LMCD1: variants seen among roughly 807,000 people sequenced by gnomAD.
LMCD1 encodes the protein LIM and cysteine rich domains 1.
LMCD1 carries 32 observed loss-of-function variants against 42.7 expected under a neutral mutation model. The observed-to-expected ratio is 0.75, with a 90% CI of 0.57 to 1.01. The LOEUF is 1.01. Among genes scored for constraint, LMCD1 ranks in the 50% least tolerant of loss-of-function variants. LMCD1 has a pLI of 0.00. For missense variants in LMCD1, 458 were observed against 483.1 expected (o/e 0.95, Z 0.49); for synonymous variants, 178 against 184.9 (o/e 0.96, Z 0.30).
intron 4 of LMCD1, among the ~76,000 whole-genome samples, chr3:8,565,148 T>C (rs1695103815): frequency 6.6e-6 from 1 of 152,146 alleles, no homozygotes; most frequent in East Asian, 1.9e-4. Flanking sequence ...GAACAAAAAC[T>C]CTGTAGGGGT....
chr3:8,520,851 T>C (rs1694191495), intron 1 of LMCD1, among the ~76,000 whole-genome samples: 1 of 152,164 alleles, frequency 6.6e-6, no homozygotes, highest in Non-Finnish European at 1.5e-5. Context: ...AGTCCACAAA[T>C]GGAAGGAGAT....
chr3:8,518,761 A>C (rs78075789), intron 1 of LMCD1, among the ~76,000 whole-genome samples: 4,165 of 152,260 alleles, frequency 0.027, 111 homozygotes, highest in South Asian at 0.13. Flanking sequence ...AGAGAGGAGA[A>C]GAGCCAGTGG....
At chr3:8,528,538 T>C (rs1462624956) in intron 1 of LMCD1, among the ~76,000 whole-genome samples, 1 of 152,150 alleles carries the variant, frequency 6.6e-6, no homozygotes, top group East Asian at 1.9e-4. Flanking sequence ...TTTACTGCCT[T>C]TTAATGTTAC....
intron 4 of LMCD1, 49 bp downstream of exon 4, chr3:8,548,952 G>C (rs1694790318): frequency 7.2e-7 from 1 of 1,380,126 alleles, no homozygotes; most frequent in African/African-American, 1.5e-5. Context: ...GCAGGCCCAG[G>C]GCTGGACAGT....
chr3:8,532,676 C>G lies in LMCD1; in HGVS notation c.43-61C>G. The G allele has an allele frequency of 5.5e-6, 8 of 1,463,872 alleles. No homozygotes were observed. The South Asian group carries it at 8.1e-5, about 15-fold the overall frequency. The allele number at this position is 1,463,872 out of a possible 1,614,324, so 90.7% of individuals were successfully genotyped here. A position where few individuals can be genotyped will look rare whatever the true frequency, so the allele number is the denominator to read the frequency against. On this transcript the variant is annotated intron_variant, in intron 1 of 5. Coordinates refer to ENST00000157600, the MANE Select transcript of LMCD1 (RefSeq NM_014583.4). Reference sequence around the variant, plus strand: ...CCAGCACGCCAAGTCTTTTAGAGGTCAAGCATCTCCGGTCCAAGATGTTTG... The same window carrying G: ...CCAGCACGCCAAGTCTTTTAGAGGTGAAGCATCTCCGGTCCAAGATGTTTG...
intron 1 of LMCD1, among the ~76,000 whole-genome samples, chr3:8,502,379 A>AT (rs1693770777): frequency 1.1e-5 from 1 of 95,230 alleles, no homozygotes; most frequent in East Asian, 2.8e-4. Context: ...AAATATATAT[A>AT]ATATATATTA....
chr3:8,507,318 T>C (rs1693904689), intron 1 of LMCD1, among the ~76,000 whole-genome samples: 1 of 152,228 alleles, frequency 6.6e-6, no homozygotes, highest in South Asian at 2.1e-4. Flanking sequence ...GCTCCTTTAG[T>C]GGCTGAAACA....
In LMCD1 at chr3:8,573,860, A is replaced by G. The variant is rs1695258269; in HGVS notation, c.*6262A>G. 1 of 146,812 alleles carries G rather than the reference A, an allele frequency of 6.8e-6. No homozygotes were observed. The highest frequency in any genetic ancestry group is 2.5e-5 in the African/African-American group (1 of 39,564). The allele number at this position is 146,812 out of a possible 1,614,324, so 9.1% of individuals were successfully genotyped here. A position where few individuals can be genotyped will look rare whatever the true frequency, so the allele number is the denominator to read the frequency against. On this transcript the variant is annotated 3_prime_UTR_variant, in exon 6 of 6. Transcript: ENST00000157600. ...TGTTGCAAGTGAGGGAAATCCAATTAAAACTGGTTTAAACCTAAAAAAAAA... is the reference window on the plus strand; with the variant it reads ...TGTTGCAAGTGAGGGAAATCCAATTGAAACTGGTTTAAACCTAAAAAAAAA...
At chr3:8,545,764 G>A (rs916189823) in intron 3 of LMCD1, among the ~76,000 whole-genome samples, 6 of 152,190 alleles carry the variant, frequency 3.9e-5, no homozygotes, top group Non-Finnish European at 5.9e-5. Context: ...TGTGTCCATT[G>A]AGAGACACTA....
In LMCD1 at chr3:8,509,180, C is replaced by A. The variant is rs563361622; in HGVS notation, c.42+7200C>A. On this transcript the variant is annotated intron_variant, in intron 1 of 5. Coordinates refer to ENST00000157600, the MANE Select transcript of LMCD1 (RefSeq NM_014583.4). ...TGCTGTTATGGATACCCCCTCTCAT[C>A]AGCATGATGCAAAAATCCCATAGGT... Among the ~76,000 whole-genome samples the A allele has an allele frequency of 3.3e-5, 5 of 152,306 alleles. No homozygotes were observed. In the East Asian group the frequency reaches 7.7e-4, roughly 23 times the overall value.
At chr3:8,559,901 G>A (rs1694999702) in intron 4 of LMCD1, among the ~76,000 whole-genome samples, 1 of 152,232 alleles carries the variant, frequency 6.6e-6, no homozygotes, top group Non-Finnish European at 1.5e-5. Flanking sequence ...CTGGCTACTG[G>A]TAGAAACCAG....
At chr3:8,536,918 C>T (rs1273364227) in intron 2 of LMCD1, among the ~76,000 whole-genome samples, 2 of 152,206 alleles carry the variant, frequency 1.3e-5, no homozygotes, top group African/African-American at 4.8e-5. Flanking sequence ...GCCGTGGCAA[C>T]CACCAGGAGG....
At chr3:8,517,643 A>G (rs983618889) in intron 1 of LMCD1, among the ~76,000 whole-genome samples, 1 of 152,166 alleles carries the variant, frequency 6.6e-6, no homozygotes, top group Non-Finnish European at 1.5e-5. Context: ...ATCAAGGAGG[A>G]AGTCTCCTTC....
At chr3:8,514,765 G>A (rs1241792560) in intron 1 of LMCD1, among the ~76,000 whole-genome samples, 2 of 152,144 alleles carry the variant, frequency 1.3e-5, no homozygotes, top group East Asian at 1.9e-4. Flanking sequence ...AATACACACC[G>A]TGTAATTTCA....
chr3:8,536,665 CT>C (rs1361815691), intron 2 of LMCD1, among the ~76,000 whole-genome samples: 23 of 152,128 alleles, frequency 1.5e-4, no homozygotes, highest in Admixed American at 1.5e-3. Flanking sequence ...AGTTTGCAAA[CT>C]TTTTTTGTAA....
In LMCD1 at chr3:8,548,780, C is replaced by T. The variant is rs537442251; in HGVS notation, c.600C>T (p.Ala200=). Residue 200 remains alanine, a synonymous_variant, in exon 4 of 6, where the codon GCC becomes GCT. Transcript: ENST00000157600. ...KSEALGVGEV[A]LPGQGGLPKE... is the part of the protein sequence containing the mutation. ...AGGCCCTCGGCGTGGGAGAAGTGGCCCTCCCGGGGCAGGGTGGCTTGCCCA... is the reference window on the plus strand; with the variant it reads ...AGGCCCTCGGCGTGGGAGAAGTGGCTCTCCCGGGGCAGGGTGGCTTGCCCA... 1 of 1,611,376 alleles carries T rather than the reference C, an allele frequency of 6.2e-7. No homozygotes were observed. Among genetic ancestry groups the T allele is most frequent in the African/African-American group, 1.3e-5 (1 of 74,922 alleles).
chr3:8,515,650 A>T (rs1694084303), intron 1 of LMCD1, among the ~76,000 whole-genome samples: 1 of 152,170 alleles, frequency 6.6e-6, no homozygotes, highest in Non-Finnish European at 1.5e-5. Flanking sequence ...ATAATAATGG[A>T]TAGAAAAGGG....
chr3:8,511,051 C>G (rs1693988106), intron 1 of LMCD1, among the ~76,000 whole-genome samples: 1 of 152,188 alleles, frequency 6.6e-6, no homozygotes, highest in East Asian at 1.9e-4. Context: ...CAAATTCCAA[C>G]TCTGCCACTC....
chr3:8,554,803 G>C (rs191481336), intron 4 of LMCD1, among the ~76,000 whole-genome samples: 123 of 152,286 alleles, frequency 8.1e-4, no homozygotes, highest in South Asian at 6.2e-4. Context: ...TAAATACACA[G>C]ATTTCCCGGG....
Sources: allele counts gnomAD v4.1 joint callset (sites outside exome capture counted in the v4.1 genomes callset), GRCh38; gene constraint gnomAD v4.1.1; transcripts MANE v1.5; gene names NCBI Gene and HGNC (gene_info 2026-07-23, HGNC 2026-07-21).